EIF3A: variants seen among roughly 807,000 people sequenced by gnomAD.
EIF3A encodes the protein eukaryotic translation initiation factor 3 subunit A, also known as EIF3, p180 subunit.
Under a neutral mutation model 186.6 loss-of-function variants are expected in EIF3A, and 21 were observed. The observed-to-expected ratio is 0.11, with a 90% CI of 0.08 to 0.16. The LOEUF is 0.16. Among genes scored for constraint, EIF3A ranks in the 10% least tolerant of loss-of-function variants. The pLI, the probability that EIF3A is intolerant of heterozygous loss-of-function variation, is 1.00. For synonymous variants in EIF3A, 563 were observed against 584.3 expected (o/e 0.96, Z 0.52); for missense variants, 1,306 against 1,796.3 (o/e 0.73, Z 4.93).
intron 19 of EIF3A, among the ~76,000 whole-genome samples, chr10:119,039,381 T>C (rs1176878682): frequency 6.6e-6 from 1 of 152,142 alleles, no homozygotes; most frequent in Non-Finnish European, 1.5e-5. Flanking sequence ...GCTAAAATGC[T>C]GTCTAGTGGC....
chr10:119,065,911 TC>T (rs1843967103), intron 6 of EIF3A, among the ~76,000 whole-genome samples: 1 of 149,914 alleles, frequency 6.7e-6, no homozygotes, highest in Admixed American at 6.7e-5. Context: ...CGTCAAGAGA[TC>T]GAGACCATCC....
intron 10 of EIF3A, 73 bp downstream of exon 10, chr10:119,059,529 G>T: frequency 7.3e-7 from 1 of 1,365,398 alleles, no homozygotes; most frequent in South Asian, 1.2e-5. Flanking sequence ...TGTACCAAAA[G>T]CTGAGAAACA....
At position 119,056,923 on chromosome 10, in the gene EIF3A, C is replaced by T. The variant is rs111617008; in HGVS notation, c.2082+13G>A. ...ACTTGGTATGTTAAAGGTTTACCAA[C>T]CCTTTCATTTACCTTCTTTTCTTGA... On this transcript the variant is annotated intron_variant, in intron 13 of 21. Coordinates refer to ENST00000369144, the MANE Select transcript of EIF3A (RefSeq NM_003750.4). 4,750 of 1,587,258 alleles carry T rather than the reference C, an allele frequency of 3.0e-3. 123 individuals carry two copies. The African/African-American group carries it at 0.056, about 19-fold the overall frequency.
rs557505875 is a variant in EIF3A, at chr10:119,060,290, G to A, written c.1326+456C>T. Among the ~76,000 whole-genome samples, 7 of 152,268 alleles carry A rather than the reference G, an allele frequency of 4.6e-5. No individual in the cohort carries two copies. In the East Asian group the frequency reaches 1.3e-3, roughly 29 times the overall value. ...CATGGTGGGGGGTCTATTAATCCAG[G>A]CTTCTGAATAGCTATTAAAGCTTTA... On this transcript the variant is annotated intron_variant, in intron 9 of 21. Coordinates refer to ENST00000369144, the MANE Select transcript of EIF3A (RefSeq NM_003750.4).
intron 14 of EIF3A, 52 bp from the exon 15 acceptor site, chr10:119,051,373 A>G (rs1848354621): frequency 1.3e-6 from 2 of 1,507,142 alleles, no homozygotes; most frequent in Non-Finnish European, 8.9e-7. Context: ...TTTACTCATT[A>G]ACCCCAAATT....
chr10:119,072,957 C>A lies in EIF3A; in HGVS notation c.474G>T (p.Arg158Ser). 1 of 1,614,152 alleles carries A rather than the reference C, an allele frequency of 6.2e-7. No homozygotes were observed. The highest frequency in any genetic ancestry group is 1.1e-5 in the South Asian group (1 of 91,080). ...TGTTTCTAAGAAGGTCCAAACACTG[C>A]CTGTAAGACTCCCACAGGAATTTAA... ...PWVKFLWESY[R>S]QCLDLLRNNS... The change falls in exon 4 of 22, where the codon AGG becomes AGT. Residue 158 changes from arginine to serine, a missense_variant. Transcript: ENST00000369144.
chr10:119,062,131 T>C lies in EIF3A; in HGVS notation c.1123-803A>G, dbSNP rs117205921. On this transcript the variant is annotated intron_variant, in intron 7 of 21. Transcript: ENST00000369144. ...AACACTTCCTCCTTATAAGCATCCA[T>C]ATATCTTTACTGCAATAAGGTGTGG... Among the ~76,000 whole-genome samples, 325 of 152,240 alleles carry C rather than the reference T, an allele frequency of 2.1e-3. 1 individual carries two copies. The highest frequency in any genetic ancestry group is 3.2e-3 in the Non-Finnish European group (221 of 68,012).
chr10:119,080,687 G>T lies in EIF3A; in HGVS notation c.-11C>A. ...AAAATAGGCCGGCATCTTGGCGGCA[G>T]GCTCAGCTCACCCGGCGTCAGCGAA... is the stretch of plus-strand genomic sequence containing the variant. On this transcript the variant is annotated 5_prime_UTR_variant, in exon 1 of 22. It adds an upstream start codon to the 5' untranslated region. Transcript: ENST00000369144. 6.3e-7 allele frequency: 1 copy of T among 1,591,594 alleles called. No individual in the cohort carries two copies. The highest frequency in any genetic ancestry group is 8.5e-7 in the Non-Finnish European group (1 of 1,170,378).
At chr10:119,066,116 A>C (rs1294352228) in intron 6 of EIF3A, among the ~76,000 whole-genome samples, 10 of 151,684 alleles carry the variant, frequency 6.6e-5, no homozygotes, top group Admixed American at 6.6e-4. Flanking sequence ...ACTCTGTCTC[A>C]AAAAAGAAAA....
At chr10:119,066,199 T>C (rs1169731864) in intron 6 of EIF3A, among the ~76,000 whole-genome samples, 1 of 151,236 alleles carries the variant, frequency 6.6e-6, no homozygotes, top group Admixed American at 6.6e-5. Context: ...CCTTACAAAA[T>C]TAAGGCAGGT....
chr10:119,049,120 C>A (rs757530138), intron 17 of EIF3A, among the ~76,000 whole-genome samples: 1 of 152,124 alleles, frequency 6.6e-6, no homozygotes, highest in Non-Finnish European at 1.5e-5. Context: ...ATTCTTCCCC[C>A]CTTAGGTGCC....
rs565583288 is a variant in EIF3A, at chr10:119,060,675, G to A, written c.1326+71C>T. ...GGTTCTCACTTCCTAGGCAGTTCTA[G>A]ATTTTTCCAGTTTTTAGTTTCATGA... On this transcript the variant is annotated intron_variant, in intron 9 of 21. Transcript: ENST00000369144. 1.9e-4 allele frequency: 231 copies of A among 1,209,986 alleles called. No homozygotes were observed. The East Asian group carries it at 5.3e-3, about 28-fold the overall frequency. 75.0% of individuals were successfully genotyped at this position (1,209,986 alleles called of 1,614,324 possible).
chr10:119,046,997 G>T, intron 17 of EIF3A, among the ~76,000 whole-genome samples: 1 of 152,212 alleles, frequency 6.6e-6, no homozygotes, highest in South Asian at 2.1e-4. Flanking sequence ...GCCAGGCATA[G>T]TGGCTCACGC....
chr10:119,064,370 C>T (rs967295442), intron 7 of EIF3A, among the ~76,000 whole-genome samples: 2 of 152,166 alleles, frequency 1.3e-5, no homozygotes, highest in Non-Finnish European at 2.9e-5. Flanking sequence ...ATCTCATGTT[C>T]AACTGTAATC....
Position 119,042,515 on chromosome 10 carries a change from G to A in EIF3A, c.3005C>T (p.Ala1002Val). Residue 1002 changes from alanine (A) to valine (V), a missense_variant, in exon 19 of 22, where the codon GCC becomes GTC. Ala to Val is a moderately conservative substitution (Grantham distance 64). Transcript: ENST00000369144. This position sits in a 1 kb window ranked among gnomAD's most constrained non-coding sequence, Gnocchi z 7.8. ...ACGCCAGTTTCCCCTGTCTTCATCGGCAATTCGTCTGGGAGGCCTGTCATC... is the reference window on the plus strand; with the variant it reads ...ACGCCAGTTTCCCCTGTCTTCATCGACAATTCGTCTGGGAGGCCTGTCATC... ...TDDDRPPRRI[A>V]DEDRGNWRHA... The A allele has an allele frequency of 6.2e-7, 1 of 1,614,054 alleles. No homozygotes were observed. Among genetic ancestry groups the A allele is most frequent in the South Asian group, 1.1e-5 (1 of 91,060 alleles).
Position 119,036,129 on chromosome 10 carries a change from C to A in EIF3A, c.4059G>T (p.Lys1353Asn). ...TATCTTTCTCAGCTCTCCATGAGGC[C>A]TTCTCTTTTTCACCTTCTCTTTCTC... ...RDREREGEKE[K>N]ASWRAEKDRE... Residue 1353 changes from lysine to asparagine, a missense_variant, in exon 22 of 22, where the codon AAG (lysine) becomes AAT (asparagine). By Grantham distance (94) the Lys-to-Asn change is moderately conservative (BLOSUM62 0). Around this residue, in one of 8 missense-constraint regions of EIF3A, gnomAD observed 331 missense variants for 365.8 expected, o/e 0.90. Transcript: ENST00000369144. 1 of 1,613,932 alleles carries A rather than the reference C, an allele frequency of 6.2e-7. No individual in the cohort carries two copies. Among genetic ancestry groups the A allele is most frequent in the Non-Finnish European group, 8.5e-7 (1 of 1,179,980 alleles).
chr10:119,056,224 A>G (rs1399850648), intron 14 of EIF3A, among the ~76,000 whole-genome samples: 1 of 152,222 alleles, frequency 6.6e-6, no homozygotes, highest in African/African-American at 2.4e-5. Flanking sequence ...TAAGTTAACA[A>G]AACTATGGAA....
In EIF3A at chr10:119,037,240, G is replaced by A. The variant is rs773115498; in HGVS notation, c.3798C>T (p.Asp1266=). The change falls in exon 21 of 22, where the codon GAC becomes GAT. Residue 1266 remains aspartate, a synonymous_variant. Coordinates refer to ENST00000369144, the MANE Select transcript of EIF3A (RefSeq NM_003750.4). ...SSSWRDSSRR[D]DRDRDDRRRE... ...GGCGACGGTCATCCCTATCCCTATC[G>A]TCCCGGCGACTTGAGTCTCTCCAGC... The A allele has an allele frequency of 1.9e-5, 31 of 1,613,780 alleles. 1 individual carries two copies. In the Admixed American group the frequency reaches 2.8e-4, roughly 15 times the overall value.
At chr10:119,040,361 A>G (rs1489670495) in intron 19 of EIF3A, among the ~76,000 whole-genome samples, 1 of 152,218 alleles carries the variant, frequency 6.6e-6, no homozygotes, top group Non-Finnish European at 1.5e-5. Context: ...AAACAGAGAC[A>G]AAACAACTCC....
Sources: gnomAD v4.1 joint callset for allele counts (sites outside exome capture counted in the v4.1 genomes callset) on GRCh38, gnomAD v4.1.1 for gene constraint, gnomAD v4.1.1 regional missense constraint, Gnocchi (gnomAD v3.1) non-coding constraint, MANE v1.5 for transcripts, NCBI Gene and HGNC (gene_info 2026-07-23, HGNC 2026-07-21) for gene names.